Variants in ASIC2 observed in about 807,000 individuals in gnomAD.
The protein encoded by ASIC2 is acid-sensing ion channel 2.
ASIC2 carries 25 observed loss-of-function variants against 57.3 expected under a neutral mutation model. The ratio of observed to expected loss-of-function variants is 0.44; its 90% CI spans 0.32 to 0.61. The LOEUF (loss-of-function observed/expected upper bound fraction) is 0.61, where lower values mean the gene tolerates loss of function less well. Among genes scored for constraint, ASIC2 ranks in the 20% least tolerant of loss-of-function variants. The probability of loss-of-function intolerance (pLI) is 0.06; values close to 1 mark genes in which losing one functional copy is unlikely to be tolerated. For synonymous variants in ASIC2, 319 were observed against 307.5 expected, an observed-to-expected ratio of 1.04 and a Z score of -0.39; for missense variants, 641 against 738.1, an observed-to-expected ratio of 0.87 and a Z score of 1.52.
chr17:34,067,889 TAGAC>T (rs1909231932), intron 1 of ASIC2, among the ~76,000 whole-genome samples: 1 of 152,366 alleles, frequency 6.6e-6, no homozygotes, highest in Non-Finnish European at 1.5e-5. Flanking sequence ...ACACAGATGA[TAGAC>T]AGATGGATAA....
At chr17:33,176,300 C>T (rs1905754171) in intron 1 of ASIC2, among the ~76,000 whole-genome samples, 1 of 152,210 alleles carries the variant, frequency 6.6e-6, no homozygotes, top group African/African-American at 2.4e-5. Context: ...TGTCATTTCC[C>T]TTGATACCTC....
At chr17:34,065,547 A>AC (rs1415802856) in intron 1 of ASIC2, among the ~76,000 whole-genome samples, 1 of 152,160 alleles carries the variant, frequency 6.6e-6, no homozygotes, top group Non-Finnish European at 1.5e-5. Flanking sequence ...TAAAAAAGCA[A>AC]TTTTATCTGT....
chr17:33,387,358 G>C (rs1413384426), intron 1 of ASIC2, among the ~76,000 whole-genome samples: 1 of 152,244 alleles, frequency 6.6e-6, no homozygotes, highest in Non-Finnish European at 1.5e-5. Context: ...GTGCTAACAG[G>C]AGTGTTTGTT....
At chr17:34,091,877 C>A (rs1197236450) in intron 1 of ASIC2, among the ~76,000 whole-genome samples, 1 of 152,158 alleles carries the variant, frequency 6.6e-6, no homozygotes, top group African/African-American at 2.4e-5. Flanking sequence ...AGCTACATGA[C>A]CTTGAGCAAG....
intron 1 of ASIC2, among the ~76,000 whole-genome samples, chr17:33,523,159 A>G (rs927208531): frequency 6.6e-6 from 1 of 152,208 alleles, no homozygotes; most frequent in African/African-American, 2.4e-5. Context: ...AATTCCAGCA[A>G]TGGACTCACT....
At chr17:33,865,784 CG>C (rs1298131263) in intron 1 of ASIC2, among the ~76,000 whole-genome samples, 10 of 138,424 alleles carry the variant, frequency 7.2e-5, no homozygotes, top group Admixed American at 2.1e-4. Context: ...AAAAAAAAAA[CG>C]TTTTTTTATT....
intron 1 of ASIC2, among the ~76,000 whole-genome samples, chr17:33,672,694 C>G (rs891700971): frequency 3.3e-5 from 5 of 152,164 alleles, no homozygotes; most frequent in African/African-American, 1.2e-4. Context: ...TGTTATCTTC[C>G]TAGGAACTGC....
intron 1 of ASIC2, among the ~76,000 whole-genome samples, chr17:33,126,899 C>T (rs71373685): frequency 0.22 from 25,665 of 119,332 alleles, 2,983 homozygotes; most frequent in African/African-American, 0.32. Context: ...CTCGCTCTGT[C>T]GCCCAGGCGG....
intron 1 of ASIC2, among the ~76,000 whole-genome samples, chr17:33,149,300 A>G (rs1904689759): frequency 6.6e-6 from 1 of 152,200 alleles, no homozygotes; most frequent in Admixed American, 6.5e-5. Flanking sequence ...CTAACATATG[A>G]ACTACAAACT....
chr17:33,236,239 T>C (rs573517379), intron 1 of ASIC2, among the ~76,000 whole-genome samples: 1 of 152,270 alleles, frequency 6.6e-6, no homozygotes, highest in South Asian at 2.1e-4. Context: ...GAAATTTTGG[T>C]AGGCAAAAGG....
chr17:33,868,158 T>C (rs1200462339), intron 1 of ASIC2, among the ~76,000 whole-genome samples: 3 of 151,244 alleles, frequency 2.0e-5, no homozygotes, highest in Non-Finnish European at 4.4e-5. Flanking sequence ...CCAAAAACTA[T>C]TTATGGCAGG....
intron 1 of ASIC2, among the ~76,000 whole-genome samples, chr17:34,007,580 G>T (rs62056822): frequency 0.11 from 16,524 of 152,184 alleles, 1,292 homozygotes; most frequent in East Asian, 0.34. Context: ...AGCCCAGAGG[G>T]CAAATGACTT....
chr17:33,647,774 T>G (rs751570195), intron 1 of ASIC2, among the ~76,000 whole-genome samples: 41 of 152,228 alleles, frequency 2.7e-4, no homozygotes, highest in Non-Finnish European at 5.7e-4. Flanking sequence ...CTTAATGGCC[T>G]GAAAATGCCC....
intron 1 of ASIC2, among the ~76,000 whole-genome samples, chr17:33,979,454 T>C (rs1205425276): frequency 6.6e-6 from 1 of 152,052 alleles, no homozygotes; most frequent in African/African-American, 2.4e-5. Context: ...GTGTCCCCTG[T>C]ATGCACAGAG....
At chr17:34,064,307 G>A (rs1909084723) in intron 1 of ASIC2, among the ~76,000 whole-genome samples, 1 of 152,162 alleles carries the variant, frequency 6.6e-6, no homozygotes, top group African/African-American at 2.4e-5. Context: ...ATGGTGCTGG[G>A]ATAATTGGCT....
chr17:33,423,605 C>A (rs896190565), intron 1 of ASIC2, among the ~76,000 whole-genome samples: 5 of 152,140 alleles, frequency 3.3e-5, no homozygotes, highest in Admixed American at 3.3e-4. Flanking sequence ...TTCCTTAGCC[C>A]CTACTCTACT....
intron 1 of ASIC2, among the ~76,000 whole-genome samples, chr17:33,524,576 C>T (rs925928941): frequency 1.6e-4 from 24 of 152,072 alleles, no homozygotes; most frequent in African/African-American, 5.8e-4. Context: ...GGGGGTGTCA[C>T]AGCTTGTTAG....
intron 1 of ASIC2, among the ~76,000 whole-genome samples, chr17:34,032,385 C>T (rs550744789): frequency 2.0e-5 from 3 of 152,302 alleles, no homozygotes; most frequent in Admixed American, 6.5e-5. Context: ...AAAGGAACAA[C>T]CAGTACCAGC....
At chr17:33,333,986 T>C (rs1244864339) in intron 1 of ASIC2, among the ~76,000 whole-genome samples, 2 of 152,190 alleles carry the variant, frequency 1.3e-5, no homozygotes, top group Non-Finnish European at 2.9e-5. Context: ...AACTCTTTCT[T>C]CAGCCTGGGG....
Sources: gnomAD v4.1 joint callset for allele counts (sites outside exome capture counted in the v4.1 genomes callset) on GRCh38, gnomAD v4.1.1 for gene constraint, MANE v1.5 for transcripts, NCBI Gene and HGNC (gene_info 2026-07-23, HGNC 2026-07-21) for gene names.